SMIM14: variants seen among roughly 807,000 people sequenced by gnomAD.
SMIM14 encodes the protein chromosome 4 open reading frame 34.
In SMIM14, 5 loss-of-function variants were observed where a neutral mutation model predicts 12.6. That is an observed-to-expected ratio of 0.40 (90% confidence interval 0.21 to 0.83). The LOEUF (loss-of-function observed/expected upper bound fraction) is 0.83. Ranked by LOEUF, SMIM14 falls within the 40% of genes least tolerant of loss-of-function variation. The pLI is 0.37. For missense variants in SMIM14, 86 were observed against 119.1 expected (o/e 0.72, Z 1.29); for synonymous variants, 30 against 40.1 (o/e 0.75, Z 0.95).
chr4:39,619,061 T>C (rs1040105271), intron 1 of SMIM14, among the ~76,000 whole-genome samples: 2 of 151,950 alleles, frequency 1.3e-5, no homozygotes, highest in South Asian at 2.1e-4. Context: ...TAAGTGATGA[T>C]AGAGGGTAAG....
At chr4:39,553,744 C>T (rs1711858369) in intron 4 of SMIM14, among the ~76,000 whole-genome samples, 1 of 151,900 alleles carries the variant, frequency 6.6e-6, no homozygotes, top group African/African-American at 2.4e-5. Context: ...CAGGCACGCG[C>T]CACCATGCCT....
At chr4:39,630,553 C>G (rs892060888) in intron 1 of SMIM14, among the ~76,000 whole-genome samples, 1 of 152,046 alleles carries the variant, frequency 6.6e-6, no homozygotes, top group African/African-American at 2.4e-5. Flanking sequence ...ATGCTTAGAA[C>G]TACTGTGATA....
chr4:39,559,201 T>C (rs1212515165), intron 3 of SMIM14, among the ~76,000 whole-genome samples: 2 of 152,012 alleles, frequency 1.3e-5, no homozygotes, highest in African/African-American at 4.8e-5. Context: ...AACCAATATA[T>C]GAAGGTGCAT....
intron 2 of SMIM14, among the ~76,000 whole-genome samples, chr4:39,587,416 G>GA (rs1713834372): frequency 7.1e-6 from 1 of 141,342 alleles, no homozygotes; most frequent in African/African-American, 2.7e-5. Context: ...AGAATGGCAT[G>GA]AAACAGGGAC....
intron 2 of SMIM14, chr4:39,593,255 A>C (rs1397861607): frequency 2.6e-5 from 4 of 152,202 alleles, no homozygotes; most frequent in Non-Finnish European, 5.9e-5. Flanking sequence ...CAATATATGC[A>C]AATCAATAAA....
chr4:39,617,596 A>G (rs1238663044), intron 1 of SMIM14, among the ~76,000 whole-genome samples: 1 of 152,214 alleles, frequency 6.6e-6, no homozygotes, highest in Non-Finnish European at 1.5e-5. Context: ...TAAATGTAAC[A>G]AAATTAACCA....
intron 3 of SMIM14, among the ~76,000 whole-genome samples, chr4:39,567,078 G>A (rs1024598127): frequency 2.2e-5 from 3 of 135,610 alleles, no homozygotes; most frequent in East Asian, 2.5e-4. Flanking sequence ...GGAGGTTGTA[G>A]TAAGCCGAGA....
At chr4:39,581,230 T>A (rs1379510272) in intron 2 of SMIM14, among the ~76,000 whole-genome samples, 1 of 152,178 alleles carries the variant, frequency 6.6e-6, no homozygotes, top group South Asian at 2.1e-4. Context: ...AAATGTTTTT[T>A]AAATATTTTA....
chr4:39,598,073 G>C (rs1009003621), intron 2 of SMIM14, among the ~76,000 whole-genome samples: 1 of 152,080 alleles, frequency 6.6e-6, no homozygotes. Context: ...TCCTTAACAT[G>C]CAACTAGGAG....
chr4:39,553,022 C>A (rs1338761085), intron 4 of SMIM14, among the ~76,000 whole-genome samples: 2 of 151,490 alleles, frequency 1.3e-5, no homozygotes, highest in African/African-American at 4.9e-5. Flanking sequence ...AATTAAGGTC[C>A]AGGAGAGGGT....
chr4:39,630,901 AAAGC>A (rs970502446), intron 1 of SMIM14, among the ~76,000 whole-genome samples: 10 of 152,168 alleles, frequency 6.6e-5, no homozygotes, highest in South Asian at 6.2e-4. Flanking sequence ...GAAAGAAAGA[AAAGC>A]AAGCAAGCAA....
chr4:39,621,311 A>G (rs1005819011), intron 1 of SMIM14, among the ~76,000 whole-genome samples: 2 of 150,356 alleles, frequency 1.3e-5, no homozygotes, highest in Non-Finnish European at 3.0e-5. Context: ...AGTAAAATTA[A>G]AAGAGCAAAA....
chr4:39,576,678 ATATATATTTTTTTTTTTTTTTTTTT>A (rs1352797812), intron 2 of SMIM14, among the ~76,000 whole-genome samples: 5 of 29,926 alleles, frequency 1.7e-4, no homozygotes, highest in African/African-American at 6.3e-4. Context: ...ATATATATAT[ATATATATTTTTTTTTTTTTTTTTTT>A]TTTTTTTTTT....
chr4:39,550,921 T>G lies in SMIM14; in HGVS notation c.*1205A>C, dbSNP rs1343681598. 2 of 152,222 alleles carry G rather than the reference T, an allele frequency of 1.3e-5. No homozygotes were observed. The highest frequency in any genetic ancestry group is 6.5e-5 in the Admixed American group (1 of 15,284). 9.4% of individuals were successfully genotyped at this position (152,222 alleles called of 1,614,324 possible). On this transcript the variant is annotated 3_prime_UTR_variant, in exon 5 of 5. Transcript: ENST00000295958. Reference sequence around the variant, plus strand: ...CAGCTTTAAGATTTTCTTCTTTTTTTTTTTTTGAGAGGGAGTCTCGCTCTA... The same window carrying G: ...CAGCTTTAAGATTTTCTTCTTTTTTGTTTTTTGAGAGGGAGTCTCGCTCTA...
chr4:39,616,632 C>T (rs139433173), intron 1 of SMIM14, among the ~76,000 whole-genome samples: 1 of 134,506 alleles, frequency 7.4e-6, no homozygotes, highest in African/African-American at 2.7e-5. Context: ...CCAATCCATT[C>T]CTTACATTTA....
At chr4:39,561,639 G>T (rs1046964425) in intron 3 of SMIM14, among the ~76,000 whole-genome samples, 1 of 151,580 alleles carries the variant, frequency 6.6e-6, no homozygotes. Flanking sequence ...AGAATCTCAC[G>T]CCGGGCACGG....
In SMIM14 at chr4:39,611,304, G is replaced by A. The variant is rs189486952; in HGVS notation, c.-35-6124C>T. Among the ~76,000 whole-genome samples, 627 of 152,262 alleles carry A rather than the reference G, an allele frequency of 4.1e-3. 2 individuals are homozygous for A. The highest frequency in any genetic ancestry group is 0.011 in the African/African-American group (456 of 41,562). On this transcript the variant is annotated intron_variant, in intron 1 of 4. Coordinates refer to ENST00000295958, the MANE Select transcript of SMIM14 (RefSeq NM_174921.3). Reference sequence around the variant, plus strand: ...GCAGATCACCTGAGGTCAGGAGTTCGAGACCAGCCTGGCCAACATGGCCAA... The same window carrying A: ...GCAGATCACCTGAGGTCAGGAGTTCAAGACCAGCCTGGCCAACATGGCCAA...
chr4:39,553,184 C>G (rs965266000), intron 4 of SMIM14, among the ~76,000 whole-genome samples: 1 of 151,846 alleles, frequency 6.6e-6, no homozygotes, highest in Admixed American at 6.6e-5. Context: ...CCTCAGCCTC[C>G]CGAGTAGCTG....
rs1174835807 is a variant in SMIM14, at chr4:39,548,833, A to G, written c.*3293T>C. ...GTAAATAGATGGCTCATGTAGGAAAAAGCTAATATATGTAGATGTAATGTC... is the reference window on the plus strand; with the variant it reads ...GTAAATAGATGGCTCATGTAGGAAAGAGCTAATATATGTAGATGTAATGTC... On this transcript the variant is annotated 3_prime_UTR_variant, in exon 5 of 5. Transcript: ENST00000295958. The G allele has an allele frequency of 6.6e-6, 1 of 152,204 alleles. No individual in the cohort carries two copies. Among genetic ancestry groups the G allele is most frequent in the African/African-American group, 2.4e-5 (1 of 41,454 alleles). 9.4% of individuals were successfully genotyped at this position (152,204 alleles called of 1,614,324 possible).
Sources: allele counts gnomAD v4.1 joint callset (sites outside exome capture counted in the v4.1 genomes callset), GRCh38; gene constraint gnomAD v4.1.1; transcripts MANE v1.5; gene names NCBI Gene and HGNC (gene_info 2026-07-23, HGNC 2026-07-21).